The following FAM3D variants were observed in gnomAD, a reference collection of about 807,000 sequenced individuals.
The protein encoded by FAM3D is FAM3 metabolism regulating signaling molecule D.
FAM3D carries 26 observed loss-of-function variants against 29.8 expected under a neutral mutation model. The ratio of observed to expected loss-of-function variants is 0.87; its 90% CI spans 0.64 to 1.21. The LOEUF is 1.21. Among genes scored for constraint, FAM3D ranks in the 50% most tolerant of loss-of-function variants. The probability of loss-of-function intolerance (pLI) is 0.00; values close to 1 mark genes in which losing one functional copy is unlikely to be tolerated. For synonymous variants in FAM3D, 115 were observed against 102.3 expected (o/e 1.12, Z -0.75); for missense variants, 253 against 290.9 (o/e 0.87, Z 0.95).
intron 7 of FAM3D, among the ~76,000 whole-genome samples, chr3:58,638,786 C>G (rs546201305): frequency 6.4e-4 from 98 of 152,332 alleles, no homozygotes; most frequent in African/African-American, 2.1e-3. Context: ...AGCTGCCAGC[C>G]AGCTCAGTGA....
In FAM3D at chr3:58,663,623, C is replaced by T. The variant is rs150203603; in HGVS notation, c.-39+2953G>A. Among the ~76,000 whole-genome samples, 367 of 152,314 alleles carry T rather than the reference C, an allele frequency of 2.4e-3. 3 individuals carry two copies. The highest frequency in any genetic ancestry group is 7.3e-3 in the African/African-American group (303 of 41,570). On this transcript the variant is annotated intron_variant, in intron 1 of 9. Transcript: ENST00000358781. The stretch of plus-strand genomic sequence containing the variant: ...CTTCCCTCCTGAGGTTTGAACACTT[C>T]AGTCCTCATGGGACCTAAAGAATCG...
chr3:58,653,892 C>T, intron 2 of FAM3D, 111 bp from the exon 3 acceptor site: 1 of 806,704 alleles, frequency 1.2e-6, no homozygotes, highest in Non-Finnish European at 2.1e-6. Flanking sequence ...GCTCAGACCA[C>T]ATCCATGCTG....
At position 58,646,694 on chromosome 3, in the gene FAM3D, C is replaced by T. The variant is rs1036289917; in HGVS notation, c.146-1068G>A. The stretch of plus-strand genomic sequence containing the variant: ...GTGCCAGGCATCTGGCCAAGGTCTG[C>T]CAGTGTGTGCTTTGGAGCAAAGCTG... On this transcript the variant is annotated intron_variant, in intron 4 of 9. Transcript: ENST00000358781. 2.0e-5 allele frequency among the ~76,000 whole-genome samples: 3 copies of T among 152,230 alleles called. No individual in the cohort carries two copies. The South Asian group carries it at 6.2e-4, about 31-fold the overall frequency.
chr3:58,666,015 C>A (rs1230076711), intron 1 of FAM3D, among the ~76,000 whole-genome samples: 1 of 152,210 alleles, frequency 6.6e-6, no homozygotes, highest in Admixed American at 6.5e-5. Context: ...CAAGTCCATG[C>A]ACCTTTGTCA....
chr3:58,643,296 A>G (rs1457498979), intron 6 of FAM3D, among the ~76,000 whole-genome samples: 1 of 152,244 alleles, frequency 6.6e-6, no homozygotes, highest in African/African-American at 2.4e-5. Flanking sequence ...GAATGAATGA[A>G]TGAAGGTGTA....
intron 3 of FAM3D, 65 bp from the exon 4 acceptor site, chr3:58,649,403 G>A (rs1458814898): frequency 1.3e-6 from 2 of 1,585,810 alleles, no homozygotes; most frequent in South Asian, 1.1e-5. Context: ...GATGGAGGTT[G>A]GGGGCTGGGG....
intron 3 of FAM3D, among the ~76,000 whole-genome samples, chr3:58,650,214 C>T (rs1405692315): frequency 6.6e-6 from 1 of 151,788 alleles, no homozygotes; most frequent in African/African-American, 2.4e-5. Context: ...TTGGGGGAAC[C>T]CCCCCCAACA....
chr3:58,661,420 A>G lies in FAM3D; in HGVS notation c.-39+5156T>C, dbSNP rs1165596234. 5.3e-5 allele frequency among the ~76,000 whole-genome samples: 8 copies of G among 152,190 alleles called. No homozygotes were observed. The South Asian group carries it at 1.2e-3, about 24-fold the overall frequency. On this transcript the variant is annotated intron_variant, in intron 1 of 9. Coordinates refer to ENST00000358781, the MANE Select transcript of FAM3D (RefSeq NM_138805.3). Reference sequence around the variant, plus strand: ...GAGCTCTGCTTTCTTGGCAGGGGTCAGCCACCTCTCTCCTCTCCTCAGATA... The same window carrying G: ...GAGCTCTGCTTTCTTGGCAGGGGTCGGCCACCTCTCTCCTCTCCTCAGATA...
At chr3:58,655,175 C>G (rs1213448686) in intron 2 of FAM3D, among the ~76,000 whole-genome samples, 1 of 152,148 alleles carries the variant, frequency 6.6e-6, no homozygotes, top group African/African-American at 2.4e-5. Context: ...CCTATCTGTA[C>G]AAAGGGGGAT....
intron 5 of FAM3D, among the ~76,000 whole-genome samples, chr3:58,645,079 C>T (rs1382460007): frequency 6.6e-6 from 1 of 152,170 alleles, no homozygotes; most frequent in Non-Finnish European, 1.5e-5. Flanking sequence ...GGGGTGGAAG[C>T]CCTGGTGCCT....
intron 1 of FAM3D, among the ~76,000 whole-genome samples, chr3:58,659,231 C>G (rs986621088): frequency 6.6e-6 from 1 of 152,190 alleles, no homozygotes; most frequent in African/African-American, 2.4e-5. Flanking sequence ...ACTCTGCTGC[C>G]TCTCGCTAGT....
chr3:58,662,623 G>A (rs2066953539), intron 1 of FAM3D, among the ~76,000 whole-genome samples: 1 of 152,218 alleles, frequency 6.6e-6, no homozygotes, highest in Non-Finnish European at 1.5e-5. Context: ...TATGTGGTAT[G>A]CCATCTGTGA....
chr3:58,651,651 T>C (rs2066640397), intron 3 of FAM3D, among the ~76,000 whole-genome samples: 1 of 152,150 alleles, frequency 6.6e-6, no homozygotes, highest in African/African-American at 2.4e-5. Context: ...AGTTGAGTAC[T>C]GAGAGAGAAA....
intron 3 of FAM3D, among the ~76,000 whole-genome samples, chr3:58,651,858 T>A (rs1455531483): frequency 6.6e-6 from 1 of 152,100 alleles, no homozygotes; most frequent in East Asian, 1.9e-4. Flanking sequence ...TGGGGACACT[T>A]GGCCACTAAG....
intron 5 of FAM3D, 43 bp from the exon 6 acceptor site, chr3:58,643,763 T>G (rs2066401131): frequency 6.3e-7 from 1 of 1,586,438 alleles, no homozygotes. Flanking sequence ...GTCCCGAGTG[T>G]GGAATGAACA....
intron 4 of FAM3D, among the ~76,000 whole-genome samples, chr3:58,647,593 G>T (rs1177133478): frequency 1.3e-5 from 2 of 152,224 alleles, no homozygotes; most frequent in Admixed American, 6.5e-5. Flanking sequence ...TCAACAGGCT[G>T]GCTTAAGCAG....
At chr3:58,662,782 G>C (rs926495027) in intron 1 of FAM3D, among the ~76,000 whole-genome samples, 3 of 152,176 alleles carry the variant, frequency 2.0e-5, no homozygotes, top group Non-Finnish European at 4.4e-5. Context: ...CCCTTCTCTG[G>C]CTCCAGGGGT....
intron 2 of FAM3D, among the ~76,000 whole-genome samples, chr3:58,654,820 A>G (rs923876734): frequency 2.0e-5 from 3 of 152,172 alleles, no homozygotes; most frequent in Non-Finnish European, 4.4e-5. Context: ...CTGGTCTTCA[A>G]TGGCACAGCA....
At position 58,661,654 on chromosome 3, in the gene FAM3D, C is replaced by A. The variant is rs575938828; in HGVS notation, c.-39+4922G>T. ...TGGGGGCTTTGGTGCCCATCTAGGTCCTGTCATGGGAGCGTGGACACAGTC... is the reference window on the plus strand; with the variant it reads ...TGGGGGCTTTGGTGCCCATCTAGGTACTGTCATGGGAGCGTGGACACAGTC... On this transcript the variant is annotated intron_variant, in intron 1 of 9. Transcript: ENST00000358781. Among the ~76,000 whole-genome samples the A allele has an allele frequency of 1.2e-3, 182 of 152,252 alleles. 8 individuals are homozygous for A. In the South Asian group the frequency reaches 0.037, roughly 31 times the overall value.
Sources: gnomAD v4.1 joint callset for allele counts (sites outside exome capture counted in the v4.1 genomes callset) on GRCh38, gnomAD v4.1.1 for gene constraint, MANE v1.5 for transcripts, NCBI Gene and HGNC (gene_info 2026-07-23, HGNC 2026-07-21) for gene names.